SFMBT2: variants seen among roughly 807,000 people sequenced by gnomAD.
SFMBT2 encodes scm-like with four MBT domains protein 2.
SFMBT2 carries 38 observed loss-of-function variants against 110.1 expected under a neutral mutation model. That is an observed-to-expected ratio of 0.35 (90% CI 0.27 to 0.45). SFMBT2 has a LOEUF of 0.45. Among genes scored for constraint, SFMBT2 ranks in the 20% least tolerant of loss-of-function variants. SFMBT2 has a pLI of 1.00. For synonymous variants in SFMBT2, 425 were observed against 425.4 expected (o/e 1.00, Z 0.01); for missense variants, 1,011 against 1,094.9 (o/e 0.92, Z 1.08).
intron 4 of SFMBT2, among the ~76,000 whole-genome samples, chr10:7,325,717 C>A (rs946339974): frequency 6.6e-6 from 1 of 152,156 alleles, no homozygotes; most frequent in Non-Finnish European, 1.5e-5. Flanking sequence ...ATCTACTTAA[C>A]AATAAATAAG....
chr10:7,285,226 A>G (rs1368260603), intron 5 of SFMBT2: 1 of 152,266 alleles, frequency 6.6e-6, no homozygotes, highest in African/African-American at 2.4e-5. Flanking sequence ...TTATACAAAT[A>G]CAAATACTAC....
chr10:7,402,163 G>A (rs913526548), intron 1 of SFMBT2, among the ~76,000 whole-genome samples: 1 of 150,296 alleles, frequency 6.7e-6, no homozygotes, highest in Non-Finnish European at 1.5e-5. Context: ...CCAATCTGGA[G>A]ATAGGAAAAA....
intron 4 of SFMBT2, among the ~76,000 whole-genome samples, chr10:7,346,490 G>C (rs1037156716): frequency 1.3e-5 from 2 of 152,046 alleles, no homozygotes; most frequent in Non-Finnish European, 2.9e-5. Flanking sequence ...GTTAATGCAA[G>C]GAAAAGTGCA....
chr10:7,205,434 T>A, intron 12 of SFMBT2: 1 of 985,304 alleles, frequency 1.0e-6, no homozygotes, highest in Non-Finnish European at 1.2e-6. Context: ...TTGGAACCAA[T>A]TAAGATTCTG....
At chr10:7,173,605 A>G (rs545143768) in intron 17 of SFMBT2, among the ~76,000 whole-genome samples, 1 of 152,336 alleles carries the variant, frequency 6.6e-6, no homozygotes, top group African/African-American at 2.4e-5. Flanking sequence ...TATTTATTGA[A>G]CTTTAGTAGT....
At chr10:7,265,294 C>T (rs1158186503) in intron 7 of SFMBT2, among the ~76,000 whole-genome samples, 13 of 151,884 alleles carry the variant, frequency 8.6e-5, no homozygotes, top group Non-Finnish European at 1.5e-4. Context: ...CTCCGCCTCC[C>T]GGGTTCAAGT....
At chr10:7,333,284 T>C (rs190671385) in intron 4 of SFMBT2, among the ~76,000 whole-genome samples, 17 of 152,310 alleles carry the variant, frequency 1.1e-4, no homozygotes, top group Admixed American at 1.1e-3. Context: ...AGATATCTTT[T>C]GAGCCCAATA....
At chr10:7,235,890 GT>G (rs1471604920) in intron 9 of SFMBT2, among the ~76,000 whole-genome samples, 1 of 152,000 alleles carries the variant, frequency 6.6e-6, no homozygotes, top group East Asian at 1.9e-4. Context: ...CTCACAAATG[GT>G]TACCCTGACT....
At chr10:7,249,152 AGG>A (rs1840718392) in intron 7 of SFMBT2, 1 of 713,214 alleles carries the variant, frequency 1.4e-6, no homozygotes, top group Non-Finnish European at 1.7e-6. Flanking sequence ...GAGTAAGGGT[AGG>A]GGTACTCAAG....
In SFMBT2 at chr10:7,265,917, T is replaced by G. The variant is rs560694903; in HGVS notation, c.870+10975A>C. 3.3e-5 allele frequency among the ~76,000 whole-genome samples: 5 copies of G among 152,264 alleles called. No individual in the cohort carries two copies. In the East Asian group the frequency reaches 9.6e-4, roughly 29 times the overall value. ...AAACTTGGCTCTCGCAGAGCCTGCA[T>G]TCTAGCTAGGGGAAGGAGGCCAAAT... On this transcript the variant is annotated intron_variant, in intron 7 of 20. Transcript: ENST00000397167.
At chr10:7,370,741 C>A (rs906589125) in intron 2 of SFMBT2, 2 of 721,206 alleles carry the variant, frequency 2.8e-6, no homozygotes, top group Non-Finnish European at 3.4e-6. Context: ...GCGAAGGAAC[C>A]CATCGTGCGC....
At chr10:7,167,605 C>A (rs564437723) in intron 20 of SFMBT2, among the ~76,000 whole-genome samples, 1 of 152,158 alleles carries the variant, frequency 6.6e-6, no homozygotes, top group African/African-American at 2.4e-5. Flanking sequence ...CTACCGGAGG[C>A]CTCACCAACT....
At chr10:7,274,523 C>T (rs1349228690) in intron 7 of SFMBT2, among the ~76,000 whole-genome samples, 1 of 152,184 alleles carries the variant, frequency 6.6e-6, no homozygotes, top group Non-Finnish European at 1.5e-5. Flanking sequence ...CTTCATCCAG[C>T]TCTTATTCTC....
At chr10:7,201,343 C>T (rs1211569609) in intron 13 of SFMBT2, among the ~76,000 whole-genome samples, 1 of 152,208 alleles carries the variant, frequency 6.6e-6, no homozygotes, top group Non-Finnish European at 1.5e-5. Context: ...GCTCCAAGCT[C>T]TCTAAGTGAC....
At chr10:7,181,652 A>G (rs1324074466) in intron 16 of SFMBT2, among the ~76,000 whole-genome samples, 1 of 152,238 alleles carries the variant, frequency 6.6e-6, no homozygotes, top group Non-Finnish European at 1.5e-5. Flanking sequence ...CTATTGGTTG[A>G]GTACACATGG....
chr10:7,209,003 G>C (rs116203596), intron 11 of SFMBT2, among the ~76,000 whole-genome samples: 1 of 152,054 alleles, frequency 6.6e-6, no homozygotes, highest in Non-Finnish European at 1.5e-5. Context: ...TATTAAATAA[G>C]AACTGATGGA....
In SFMBT2 at chr10:7,159,606, G is replaced by T. The variant is rs1411823170; in HGVS notation, c.*4164C>A. ...ACAATTTCTTCCTTAACAACTACAG[G>T]TTTCTTAATTGACTATGTTGCCTTT... is the stretch of plus-strand genomic sequence containing the variant. On this transcript the variant is annotated 3_prime_UTR_variant, in exon 21 of 21. Transcript: ENST00000397167. 1 of 152,036 alleles carries T rather than the reference G, an allele frequency of 6.6e-6. No homozygotes were observed. The highest frequency in any genetic ancestry group is 1.5e-5 in the Non-Finnish European group (1 of 68,010). The allele number at this position is 152,036 out of a possible 1,614,324, so 9.4% of individuals were successfully genotyped here. A position where few individuals can be genotyped will look rare whatever the true frequency, so the allele number is the denominator to read the frequency against.
In SFMBT2 at chr10:7,172,779, C is replaced by G; in HGVS notation, c.1985-118G>C. 7.9e-7 allele frequency: 1 copy of G among 1,266,998 alleles called. No homozygotes were observed. The highest frequency in any genetic ancestry group is 1.1e-6 in the Non-Finnish European group (1 of 927,012). 78.5% of individuals were successfully genotyped at this position (1,266,998 alleles called of 1,614,324 possible). On this transcript the variant is annotated intron_variant, in intron 17 of 20. Coordinates refer to ENST00000397167, the MANE Select transcript of SFMBT2 (RefSeq NM_001387889.1). This position sits in a 1 kb window ranked among gnomAD's most constrained non-coding sequence, Gnocchi z 4.6. ...CATCTGATAGTTCATTTGTGCCTTA[C>G]GAAGTCATTCTGAGAAAACAGACCC... is the stretch of plus-strand genomic sequence containing the variant.
intron 4 of SFMBT2, among the ~76,000 whole-genome samples, chr10:7,320,882 C>A (rs1022244404): frequency 6.6e-6 from 1 of 152,112 alleles, no homozygotes; most frequent in Non-Finnish European, 1.5e-5. Flanking sequence ...CCCATCCAAG[C>A]GCATAAGGGC....
Sources: gnomAD v4.1 joint callset for allele counts (sites outside exome capture counted in the v4.1 genomes callset) on GRCh38, gnomAD v4.1.1 for gene constraint, Gnocchi (gnomAD v3.1) non-coding constraint, MANE v1.5 for transcripts, NCBI Gene and HGNC (gene_info 2026-07-23, HGNC 2026-07-21) for gene names.